MAP4K3: variants seen among roughly 807,000 people sequenced by gnomAD.
MAP4K3 encodes the protein MAPK/ERK kinase kinase kinase 3.
A neutral mutation model predicts 143.5 loss-of-function variants in MAP4K3; 94 were observed. The observed-to-expected ratio is 0.65, with a 90% CI of 0.55 to 0.78. MAP4K3 has a LOEUF of 0.78. MAP4K3 is among the 30% of genes least tolerant of loss of function. MAP4K3 has a pLI of 0.00. For synonymous variants in MAP4K3, 416 were observed against 347.2 expected (o/e 1.20, Z -2.20); for missense variants, 1,077 against 1,068.1 (o/e 1.01, Z -0.12).
In MAP4K3 at chr2:39,331,417, T is replaced by C. The variant is rs561603418; in HGVS notation, c.530+500A>G. ...AAGGAAGGTCCATGGAGAAGACTGG[T>C]AAGAGCTAAGGCTAATGAAGCAGAC... On this transcript the variant is annotated intron_variant, in intron 8 of 33. Coordinates refer to ENST00000263881, the MANE Select transcript of MAP4K3 (RefSeq NM_003618.4). Among the ~76,000 whole-genome samples, 9 of 152,186 alleles carry C rather than the reference T, an allele frequency of 5.9e-5. 1 individual carries two copies. Among genetic ancestry groups the C allele is most frequent in the African/African-American group, 2.2e-4 (9 of 41,550 alleles).
intron 1 of MAP4K3, among the ~76,000 whole-genome samples, chr2:39,414,145 G>C (rs544121713): frequency 6.6e-6 from 1 of 152,046 alleles, no homozygotes; most frequent in Non-Finnish European, 1.5e-5. Context: ...AATCTCTATA[G>C]AAATAGCCAA....
At chr2:39,407,786 G>C (rs545482773) in intron 1 of MAP4K3, among the ~76,000 whole-genome samples, 1 of 152,236 alleles carries the variant, frequency 6.6e-6, no homozygotes, top group Non-Finnish European at 1.5e-5. Context: ...ATGTTGCCCA[G>C]GCTGGTCTCA....
At chr2:39,278,557 A>G in intron 23 of MAP4K3, 71 bp from the exon 24 acceptor site, 2 of 809,698 alleles carry the variant, frequency 2.5e-6, no homozygotes, top group Admixed American at 2.4e-5. Context: ...CTATAATCTA[A>G]ACTTCCGTAA....
intron 1 of MAP4K3, among the ~76,000 whole-genome samples, chr2:39,392,873 G>A (rs1223654955): frequency 1.3e-5 from 2 of 152,156 alleles, no homozygotes; most frequent in East Asian, 1.9e-4. Flanking sequence ...GGATGCCATC[G>A]CCATGCTCTT....
chr2:39,336,785 T>C, intron 6 of MAP4K3, 135 bp downstream of exon 6: 1 of 422,446 alleles, frequency 2.4e-6, no homozygotes, highest in East Asian at 4.2e-5. Flanking sequence ...AATTAAACTA[T>C]TAAAAGTATC....
chr2:39,309,562 T>TTC, intron 13 of MAP4K3, 43 bp from the exon 14 acceptor site: 1 of 1,249,272 alleles, frequency 8.0e-7, no homozygotes, highest in East Asian at 2.4e-5. Flanking sequence ...TTTTTTTTTT[T>TTC]TTTTTTTTTT....
At chr2:39,423,552 T>C (rs1160613565) in intron 1 of MAP4K3, among the ~76,000 whole-genome samples, 1 of 152,204 alleles carries the variant, frequency 6.6e-6, no homozygotes, top group African/African-American at 2.4e-5. Context: ...TAAACTGTGG[T>C]ATAAACATAC....
In MAP4K3 at chr2:39,256,451, A is replaced by T. The variant is rs972307548; in HGVS notation, c.2470+1897T>A. 5.9e-5 allele frequency among the ~76,000 whole-genome samples: 9 copies of T among 152,166 alleles called. No homozygotes were observed. In the South Asian group the frequency reaches 6.2e-4, roughly 11 times the overall value. ...CCCAATTTGCTAAGAAGTATTATTTAAAAAAAATCATTAATGACAGATTTT... is the reference window on the plus strand; with the variant it reads ...CCCAATTTGCTAAGAAGTATTATTTTAAAAAAATCATTAATGACAGATTTT... On this transcript the variant is annotated intron_variant, in intron 31 of 33. Transcript: ENST00000263881.
At chr2:39,321,818 AAGCAC>A (rs1379996272) in intron 12 of MAP4K3, among the ~76,000 whole-genome samples, 1 of 152,208 alleles carries the variant, frequency 6.6e-6, no homozygotes, top group East Asian at 1.9e-4. Flanking sequence ...GCATATCTAA[AAGCAC>A]AGCACTTGAT....
At chr2:39,306,346 C>T (rs1222897788) in intron 15 of MAP4K3, among the ~76,000 whole-genome samples, 1 of 152,224 alleles carries the variant, frequency 6.6e-6, no homozygotes, top group Non-Finnish European at 1.5e-5. Context: ...CATTCTATCT[C>T]ACTTGGCCCC....
intron 1 of MAP4K3, among the ~76,000 whole-genome samples, chr2:39,378,394 A>G (rs1165654520): frequency 6.6e-6 from 1 of 152,200 alleles, no homozygotes; most frequent in Admixed American, 6.5e-5. Flanking sequence ...ATATTAATTC[A>G]TTTAATCCTC....
Position 39,258,341 on chromosome 2 carries a change from G to C in MAP4K3, c.2470+7C>G. 1.3e-6 allele frequency: 2 copies of C among 1,554,138 alleles called. No homozygotes were observed. The highest frequency in any genetic ancestry group is 1.8e-6 in the Non-Finnish European group (2 of 1,137,660). ...ATAATGCAAAGAATTATAAAACTTTGACTTACCTATTGATTCAATCTGGAA... is the reference window on the plus strand; with the variant it reads ...ATAATGCAAAGAATTATAAAACTTTCACTTACCTATTGATTCAATCTGGAA... On this transcript the variant is annotated splice_region_variant and intron_variant, in intron 31 of 33. Transcript: ENST00000263881.
chr2:39,409,863 G>C (rs1382607367), intron 1 of MAP4K3, among the ~76,000 whole-genome samples: 1 of 152,162 alleles, frequency 6.6e-6, no homozygotes, highest in Non-Finnish European at 1.5e-5. Flanking sequence ...CACAGGCACT[G>C]AGATAAAGGA....
intron 24 of MAP4K3, among the ~76,000 whole-genome samples, chr2:39,273,799 T>C (rs1001196221): frequency 3.3e-5 from 5 of 152,216 alleles, no homozygotes; most frequent in Admixed American, 2.0e-4. Flanking sequence ...GTGCCTCAAA[T>C]AGAGAAGTTA....
chr2:39,378,056 A>G lies in MAP4K3; in HGVS notation c.154+10T>C, dbSNP rs1341647629. 2 of 1,527,778 alleles carry G rather than the reference A, an allele frequency of 1.3e-6. No individual in the cohort carries two copies. Among genetic ancestry groups the G allele is most frequent in the South Asian group, 2.3e-5 (2 of 85,888 alleles). The allele number at this position is 1,527,778 out of a possible 1,614,324, so 94.6% of individuals were successfully genotyped here. ...TAGCAGTAAGAAAAAATGAATTTCA[A>G]ACAATTTACCTGGTTCCAATTTTAT... On this transcript the variant is annotated intron_variant, in intron 2 of 33. Coordinates refer to ENST00000263881, the MANE Select transcript of MAP4K3 (RefSeq NM_003618.4).
chr2:39,252,272 C>T (rs577136769), intron 32 of MAP4K3, among the ~76,000 whole-genome samples: 3 of 152,168 alleles, frequency 2.0e-5, no homozygotes, highest in South Asian at 2.1e-4. Flanking sequence ...AAGGCTGCCA[C>T]GTAGTGTAAC....
chr2:39,405,366 T>C (rs1404191565), intron 1 of MAP4K3, among the ~76,000 whole-genome samples: 1 of 152,208 alleles, frequency 6.6e-6, no homozygotes, highest in East Asian at 1.9e-4. Flanking sequence ...GTTACTGGGA[T>C]TGGGTTGTCC....
chr2:39,286,613 T>C (rs1681788835), intron 21 of MAP4K3, among the ~76,000 whole-genome samples: 1 of 152,206 alleles, frequency 6.6e-6, no homozygotes, highest in Admixed American at 6.5e-5. Context: ...ACGTACTACA[T>C]AACAAATTGG....
At chr2:39,366,199 A>G (rs1665918004) in intron 2 of MAP4K3, among the ~76,000 whole-genome samples, 1 of 141,360 alleles carries the variant, frequency 7.1e-6, no homozygotes. Flanking sequence ...GGAAGACCTG[A>G]GGCATCAATC....
Sources: gnomAD v4.1 joint callset for allele counts (sites outside exome capture counted in the v4.1 genomes callset) on GRCh38, gnomAD v4.1.1 for gene constraint, MANE v1.5 for transcripts, NCBI Gene and HGNC (gene_info 2026-07-23, HGNC 2026-07-21) for gene names.